Variants in EEF2K observed in about 807,000 individuals in gnomAD.
EEF2K encodes eukaryotic elongation factor 2 kinase, also known as alternative protein EEF2K.
Under a neutral mutation model 93.8 loss-of-function variants are expected in EEF2K, and 70 were observed. The observed-to-expected ratio is 0.75, with a 90% CI of 0.62 to 0.91. The LOEUF (loss-of-function observed/expected upper bound fraction) is 0.91, where lower values mean the gene tolerates loss of function less well. Ranked by LOEUF, EEF2K falls within the 40% of genes least tolerant of loss-of-function variation. The probability of loss-of-function intolerance (pLI) is 0.00; values close to 1 mark genes in which losing one functional copy is unlikely to be tolerated. For missense variants in EEF2K, 935 were observed against 972.9 expected (o/e 0.96, Z 0.52); for synonymous variants, 376 against 380.8 (o/e 0.99, Z 0.15).
At chr16:22,274,077 G>A (rs998717001) in intron 16 of EEF2K, among the ~76,000 whole-genome samples, 15 of 152,228 alleles carry the variant, frequency 9.9e-5, no homozygotes, top group Admixed American at 6.5e-4. Context: ...AGGCCAAGGC[G>A]GGCAGATCAC....
intron 10 of EEF2K, 126 bp from the exon 11 acceptor site, chr16:22,260,336 C>A (rs781131202): frequency 7.9e-6 from 7 of 881,688 alleles, no homozygotes; most frequent in Non-Finnish European, 1.2e-5. Flanking sequence ...TTTTTTGTGC[C>A]TTTCTTTAAA....
intron 1 of EEF2K, among the ~76,000 whole-genome samples, chr16:22,222,086 T>C (rs933283038): frequency 6.6e-6 from 1 of 152,106 alleles, no homozygotes; most frequent in African/African-American, 2.4e-5. Context: ...AATTAAAAAA[T>C]TAAAAATAAA....
At chr16:22,213,187 C>G (rs1011149646) in intron 1 of EEF2K, among the ~76,000 whole-genome samples, 1 of 152,072 alleles carries the variant, frequency 6.6e-6, no homozygotes, top group Non-Finnish European at 1.5e-5. Context: ...GGCTGAGGCA[C>G]AAGAATCACT....
At chr16:22,257,205 A>C (rs11640501) in intron 7 of EEF2K, 48 bp from the exon 8 acceptor site, 200,003 of 1,613,040 alleles carry the variant, frequency 0.12, 15,017 homozygotes, top group African/African-American at 0.35. Flanking sequence ...GCCTGCACAG[A>C]CCTCAGCCTG....
intron 1 of EEF2K, among the ~76,000 whole-genome samples, chr16:22,222,210 T>C (rs534308082): frequency 8.5e-5 from 13 of 152,248 alleles, no homozygotes; most frequent in Non-Finnish European, 1.9e-4. Context: ...TTTCTTTTTT[T>C]GGAGACAGGG....
In EEF2K at chr16:22,235,972, AT is replaced by A. The variant is rs983631336; in HGVS notation, c.247-8647del. The stretch of plus-strand genomic sequence containing the variant: ...GCCATCACGCCTGGCTAATTTTTGT[AT>A]TTTTTTTTTTGTAGAAATGGGGTCT... On this transcript the variant is annotated intron_variant, in intron 2 of 17. Coordinates refer to ENST00000263026, the MANE Select transcript of EEF2K (RefSeq NM_013302.5). 5.5e-3 allele frequency among the ~76,000 whole-genome samples: 788 copies of A among 143,988 alleles called. 7 individuals carry two copies. The highest frequency in any genetic ancestry group is 0.017 in the African/African-American group (682 of 39,424). The allele number at this position is 143,988 out of a possible 152,430, so 94.5% of individuals were successfully genotyped here.
chr16:22,274,379 G>T lies in EEF2K; in HGVS notation c.1889+629G>T, dbSNP rs2047614589. ...GAATCGCTTGAACCCGGGAGGCGGA[G>T]ATTGCCGTGAGCCAAGATCGAGTCA... On this transcript the variant is annotated intron_variant, in intron 16 of 17. Transcript: ENST00000263026. Among the ~76,000 whole-genome samples the T allele has an allele frequency of 2.7e-5, 4 of 150,254 alleles. 1 individual carries two copies. In the South Asian group the frequency reaches 8.4e-4, roughly 32 times the overall value.
chr16:22,239,529 G>C (rs2047200520), intron 2 of EEF2K, among the ~76,000 whole-genome samples: 1 of 152,156 alleles, frequency 6.6e-6, no homozygotes, highest in Non-Finnish European at 1.5e-5. Flanking sequence ...ACGGGGATTG[G>C]GCTGGGCGTG....
chr16:22,216,352 T>C (rs955675781), intron 1 of EEF2K, among the ~76,000 whole-genome samples: 1 of 152,206 alleles, frequency 6.6e-6, no homozygotes, highest in African/African-American at 2.4e-5. Flanking sequence ...GAGAGTCCAG[T>C]GTAGCACCTG....
rs1448965307 is a variant in EEF2K, at chr16:22,257,710, T to A, written c.969T>A (p.Leu323=). ...ACNRICESMG[L]APFDLSPRER... Reference sequence around the variant, plus strand: ...ACCGGATTTGCGAGAGCATGGGCCTTGCTCCCTTTGACCTCTCGCCCCGGG... The same window carrying A: ...ACCGGATTTGCGAGAGCATGGGCCTAGCTCCCTTTGACCTCTCGCCCCGGG... Residue 323 remains leucine (L), a synonymous_variant, in exon 9 of 18, where the codon CTT becomes CTA. Coordinates refer to ENST00000263026, the MANE Select transcript of EEF2K (RefSeq NM_013302.5). 1 of 1,613,926 alleles carries A rather than the reference T, an allele frequency of 6.2e-7. No individual in the cohort carries two copies. The highest frequency in any genetic ancestry group is 8.5e-7 in the Non-Finnish European group (1 of 1,180,046).
chr16:22,286,397 ATAAT>A lies in EEF2K; in HGVS notation c.*2403_*2406del, dbSNP rs2047753639. 6.6e-6 allele frequency: 1 copy of A among 152,166 alleles called. No homozygotes were observed. The highest frequency in any genetic ancestry group is 6.6e-5 in the Admixed American group (1 of 15,264). The allele number at this position is 152,166 out of a possible 1,614,324, so 9.4% of individuals were successfully genotyped here. ...CCCTCTCTGAAATTTTATTATGTAA[ATAAT>A]TTGTGTTCCCTGATCACTCGTTTAA... is the stretch of plus-strand genomic sequence containing the variant. On this transcript the variant is annotated 3_prime_UTR_variant, in exon 18 of 18. Transcript: ENST00000263026.
In EEF2K at chr16:22,286,370, C is replaced by A. The variant is rs2047753105; in HGVS notation, c.*2374C>A. ...TCATGCTTTTTAAATTCAGCCAGCC[C>A]CCCCTCTCTGAAATTTTATTATGTA... On this transcript the variant is annotated 3_prime_UTR_variant, in exon 18 of 18. Transcript: ENST00000263026. 1 of 152,130 alleles carries A rather than the reference C, an allele frequency of 6.6e-6. No homozygotes were observed. The highest frequency in any genetic ancestry group is 6.6e-5 in the Admixed American group (1 of 15,264). 9.4% of individuals were successfully genotyped at this position (152,130 alleles called of 1,614,324 possible).
chr16:22,262,001 C>CCACACACACACACACACA (rs71151667), intron 11 of EEF2K, among the ~76,000 whole-genome samples: 64 of 138,110 alleles, frequency 4.6e-4, no homozygotes, highest in African/African-American at 1.6e-3. Context: ...TGAGACCCTG[C>CCACACACACACACACACA]CACACACACA....
In EEF2K at chr16:22,266,797, G is replaced by A. The variant is rs763781571; in HGVS notation, c.1685G>A (p.Gly562Asp). Reference protein sequence around the residue: ...VFHLEHAANLGELEAIVGLGL... With the variant: ...VFHLEHAANLDELEAIVGLGL... Reference sequence around the variant, plus strand: ...CACCTGGAGCACGCAGCCAACCTGGGCGAGCTGGAGGCCATCGTGGGCCTG... The same window carrying A: ...CACCTGGAGCACGCAGCCAACCTGGACGAGCTGGAGGCCATCGTGGGCCTG... The change falls in exon 15 of 18, where the codon GGC (glycine) becomes GAC (aspartate). Residue 562 changes from glycine to aspartate, a missense_variant. Physicochemically the swap from Gly to Asp is moderately conservative, Grantham distance 94 (BLOSUM62 -1). Transcript: ENST00000263026. 5.0e-6 allele frequency: 8 copies of A among 1,614,232 alleles called. No homozygotes were observed. Among genetic ancestry groups the A allele is most frequent in the Admixed American group, 1.7e-5 (1 of 60,030 alleles).
intron 2 of EEF2K, among the ~76,000 whole-genome samples, chr16:22,236,809 T>C: frequency 6.6e-6 from 1 of 151,772 alleles, no homozygotes. Context: ...TTTCCTGGTA[T>C]ATAATTATTA....
At chr16:22,262,382 C>A (rs370762534) in intron 11 of EEF2K, among the ~76,000 whole-genome samples, 1 of 152,040 alleles carries the variant, frequency 6.6e-6, no homozygotes, top group South Asian at 2.1e-4. Context: ...TGGTGGCAGG[C>A]GCCTGTAGTC....
chr16:22,223,411 T>C (rs950740821), intron 1 of EEF2K, among the ~76,000 whole-genome samples: 9 of 152,178 alleles, frequency 5.9e-5, no homozygotes, highest in African/African-American at 2.2e-4. Context: ...CCCAAGTAGT[T>C]GGGATTATAG....
intron 1 of EEF2K, among the ~76,000 whole-genome samples, chr16:22,216,448 G>GT (rs1247152918): frequency 7.2e-5 from 11 of 152,046 alleles, no homozygotes; most frequent in Non-Finnish European, 1.5e-4. Context: ...AGCTTTTGAG[G>GT]TTGATAAGCA....
chr16:22,263,286 G>A (rs1567283836), intron 12 of EEF2K, 99 bp downstream of exon 12: 1 of 1,068,146 alleles, frequency 9.4e-7, no homozygotes, highest in Non-Finnish European at 1.3e-6. Context: ...ATATGAGTGG[G>A]TCCTGAGAAG....
Sources: gnomAD v4.1 joint callset for allele counts (sites outside exome capture counted in the v4.1 genomes callset) on GRCh38, gnomAD v4.1.1 for gene constraint, MANE v1.5 for transcripts, NCBI Gene and HGNC (gene_info 2026-07-23, HGNC 2026-07-21) for gene names.